The following SORCS1 variants were observed in gnomAD, a reference collection of about 807,000 sequenced individuals.
SORCS1 encodes VPS10 domain-containing receptor SorCS1.
In SORCS1, 60 loss-of-function variants were observed where a neutral mutation model predicts 146.1. The ratio of observed to expected loss-of-function variants is 0.41; its 90% CI spans 0.33 to 0.51. The LOEUF is 0.51. Among genes scored for constraint, SORCS1 ranks in the 20% least tolerant of loss-of-function variants. SORCS1 has a pLI of 0.21. For synonymous variants in SORCS1, 637 were observed against 584.0 expected (o/e 1.09, Z -1.31); for missense variants, 1,352 against 1,487.6 (o/e 0.91, Z 1.50).
chr10:107,122,464 T>C (rs1966462615), intron 1 of SORCS1, among the ~76,000 whole-genome samples: 1 of 152,226 alleles, frequency 6.6e-6, no homozygotes, highest in Non-Finnish European at 1.5e-5. Flanking sequence ...CTACTCAACC[T>C]AATTATAGAT....
intron 8 of SORCS1, among the ~76,000 whole-genome samples, chr10:106,702,939 T>C (rs1293281086): frequency 6.6e-6 from 1 of 152,196 alleles, no homozygotes; most frequent in Non-Finnish European, 1.5e-5. Flanking sequence ...AGGGATCCTT[T>C]GGTAAAACAT....
chr10:106,674,096 C>T (rs1851819288), intron 14 of SORCS1, among the ~76,000 whole-genome samples: 1 of 147,720 alleles, frequency 6.8e-6, no homozygotes, highest in South Asian at 2.1e-4. Context: ...GCAGGTGGAT[C>T]ACAAGGTCAG....
chr10:106,750,728 C>CAAAAA lies in SORCS1; in HGVS notation c.959+10855_959+10859dup, dbSNP rs572295853. Among the ~76,000 whole-genome samples, 237 of 24,034 alleles carry CAAAAA rather than the reference C, an allele frequency of 9.9e-3. 21 individuals carry two copies. Among genetic ancestry groups the CAAAAA allele is most frequent in the Non-Finnish European group, 0.011 (157 of 13,676 alleles). 15.8% of individuals were successfully genotyped at this position (24,034 alleles called of 152,430 possible). On this transcript the variant is annotated intron_variant, in intron 5 of 25. Coordinates refer to ENST00000263054, the MANE Select transcript of SORCS1 (RefSeq NM_052918.5). ...TGGGCGACAGGGTGAGACTCCCTCT[C>CAAAAA]AAAAAAAAAAAAAAAAAAAAAAAAA...
chr10:106,622,436 C>T (rs902131342), intron 19 of SORCS1, among the ~76,000 whole-genome samples: 4 of 151,604 alleles, frequency 2.6e-5, no homozygotes, highest in African/African-American at 4.8e-5. Flanking sequence ...TATCTTCATA[C>T]ACAAAGACTA....
At chr10:106,770,310 C>T (rs1163494881) in intron 4 of SORCS1, among the ~76,000 whole-genome samples, 1 of 152,102 alleles carries the variant, frequency 6.6e-6, no homozygotes. Flanking sequence ...AAGTTTTCCA[C>T]ATGTTCTTAC....
chr10:106,792,494 G>T (rs1946363824), intron 3 of SORCS1, among the ~76,000 whole-genome samples: 1 of 152,206 alleles, frequency 6.6e-6, no homozygotes, highest in Non-Finnish European at 1.5e-5. Flanking sequence ...ACTGGAAATT[G>T]AAACAAACCT....
Position 106,577,181 on chromosome 10 carries a change from G to GTTTTGT in SORCS1, c.*233_*238dup, listed in dbSNP as rs752759827. On this transcript the variant is annotated 3_prime_UTR_variant, in exon 26 of 26. Transcript: ENST00000263054. ...TTTGATTGTTTATATTTTATGTTTT[G>GTTTTGT]TTTTGTTTTTGTTTTTGTTTTTTTA... is the stretch of plus-strand genomic sequence containing the variant. 6.9e-7 allele frequency: 1 copy of GTTTTGT among 1,452,884 alleles called. No individual in the cohort carries two copies. The highest frequency in any genetic ancestry group is 1.4e-5 in the African/African-American group (1 of 70,264). The allele number at this position is 1,452,884 out of a possible 1,614,324, so 90.0% of individuals were successfully genotyped here. A position where few individuals can be genotyped will look rare whatever the true frequency, so the allele number is the denominator to read the frequency against.
intron 3 of SORCS1, among the ~76,000 whole-genome samples, chr10:106,812,428 T>C (rs551608549): frequency 1.2e-4 from 18 of 152,392 alleles, no homozygotes; most frequent in African/African-American, 4.3e-4. Context: ...GAGCCATTGC[T>C]GTTCTATTTC....
chr10:107,064,902 G>A (rs1263243144), intron 1 of SORCS1, among the ~76,000 whole-genome samples: 1 of 152,158 alleles, frequency 6.6e-6, no homozygotes, highest in Non-Finnish European at 1.5e-5. Flanking sequence ...GGAAGAAAGT[G>A]AATTTCAGGG....
chr10:106,787,706 T>A (rs1371331902), intron 3 of SORCS1, among the ~76,000 whole-genome samples: 1 of 152,212 alleles, frequency 6.6e-6, no homozygotes, highest in East Asian at 1.9e-4. Flanking sequence ...CAACACGATC[T>A]TTTATGGATC....
rs541834976 is a variant in SORCS1, at chr10:107,112,428, A to G, written c.558+51541T>C. Among the ~76,000 whole-genome samples the G allele has an allele frequency of 7.2e-5, 11 of 152,254 alleles. No homozygotes were observed. The South Asian group carries it at 2.1e-3, about 29-fold the overall frequency. ...AAAAAGAAAGAAAACAAAGCATACC[A>G]ATACAAAAATTCAACAAATCACAAA... On this transcript the variant is annotated intron_variant, in intron 1 of 25. Transcript: ENST00000263054.
intron 1 of SORCS1, among the ~76,000 whole-genome samples, chr10:107,132,375 G>T (rs905154693): frequency 6.6e-6 from 1 of 152,012 alleles, no homozygotes; most frequent in African/African-American, 2.4e-5. Flanking sequence ...TCTTAATTCC[G>T]GTGCCATATG....
chr10:106,716,908 G>C (rs989333067), intron 6 of SORCS1, among the ~76,000 whole-genome samples: 6 of 152,056 alleles, frequency 3.9e-5, no homozygotes, highest in Non-Finnish European at 5.9e-5. Context: ...TGCCGAGGCG[G>C]GTGGATCACT....
intron 18 of SORCS1, among the ~76,000 whole-genome samples, chr10:106,645,962 A>C (rs1012865115): frequency 2.0e-5 from 3 of 152,142 alleles, no homozygotes; most frequent in African/African-American, 7.2e-5. Context: ...ATGTAGTCCT[A>C]TTTAAAATTA....
At chr10:107,146,003 G>A (rs961020010) in intron 1 of SORCS1, among the ~76,000 whole-genome samples, 2 of 151,916 alleles carry the variant, frequency 1.3e-5, no homozygotes, top group African/African-American at 2.4e-5. Flanking sequence ...ATACCACTGG[G>A]GCAAGCATCC....
chr10:106,918,105 C>T (rs1012843520), intron 2 of SORCS1, among the ~76,000 whole-genome samples: 4 of 152,106 alleles, frequency 2.6e-5, no homozygotes, highest in East Asian at 1.9e-4. Flanking sequence ...AGAATATGCA[C>T]CTGTTTTACT....
At chr10:106,767,414 C>T (rs886500749) in intron 4 of SORCS1, among the ~76,000 whole-genome samples, 4 of 152,118 alleles carry the variant, frequency 2.6e-5, no homozygotes, top group Non-Finnish European at 4.4e-5. Flanking sequence ...GTGAACACCT[C>T]CTGTGCATTC....
intron 3 of SORCS1, among the ~76,000 whole-genome samples, chr10:106,811,145 G>A (rs1274997261): frequency 4.6e-5 from 7 of 151,702 alleles, no homozygotes; most frequent in African/African-American, 7.3e-5. Context: ...TCACCATCTC[G>A]GCCAGGCTGG....
Position 106,679,701 on chromosome 10 carries a change from A to T in SORCS1, c.1594T>A (p.Ser532Thr). 3.1e-6 allele frequency: 5 copies of T among 1,612,276 alleles called. No homozygotes were observed. The highest frequency in any genetic ancestry group is 4.2e-6 in the Non-Finnish European group (5 of 1,179,086). Residue 532 changes from serine (S) to threonine (T), a missense_variant, in exon 11 of 26, where the codon TCT becomes ACT. This residue lies in a region of SORCS1 where 648 missense variants were observed against 793.8 expected (regional missense o/e 0.82). Transcript: ENST00000263054. ...YCSLHLHLKV[S>T]ENPYTSGIIA... ...ATCCCTGATGTGTAGGGATTCTCAGAGACCTTCAGGTGAAGGTGTAGTGAG... is the reference window on the plus strand; with the variant it reads ...ATCCCTGATGTGTAGGGATTCTCAGTGACCTTCAGGTGAAGGTGTAGTGAG...
Sources: allele counts gnomAD v4.1 joint callset (sites outside exome capture counted in the v4.1 genomes callset), GRCh38; gene constraint gnomAD v4.1.1; regional missense constraint gnomAD v4.1.1; transcripts MANE v1.5; gene names NCBI Gene and HGNC (gene_info 2026-07-23, HGNC 2026-07-21).